Variants in A2ML1 observed in about 807,000 individuals in gnomAD.
A2ML1 encodes the protein alpha-2-macroglobulin like 1, also known as alpha-2-macroglobulin-like protein 1.
In A2ML1, 161 loss-of-function variants were observed where a neutral mutation model predicts 181.9. The observed-to-expected ratio is 0.89, with a 90% confidence interval of 0.78 to 1.01. A2ML1 has a LOEUF of 1.01. Ranked by LOEUF, A2ML1 falls within the 50% of genes least tolerant of loss-of-function variation. The pLI is 0.00. For missense variants in A2ML1, 1,670 were observed against 1,768.1 expected, an observed-to-expected ratio of 0.94 and a Z score of 1.00; for synonymous variants, 663 against 666.8, an observed-to-expected ratio of 0.99 and a Z score of 0.09.
intron 26 of A2ML1, among the ~76,000 whole-genome samples, chr12:8,858,654 C>T (rs998969690): frequency 6.6e-6 from 1 of 152,140 alleles, no homozygotes; most frequent in African/African-American, 2.4e-5. Flanking sequence ...GGAGCATTGG[C>T]ATCACATGGG....
chr12:8,886,764 C>G (rs1944924970), exon 8 of A2ML1: 1 of 152,124 alleles, frequency 6.6e-6, no homozygotes, highest in African/African-American at 2.4e-5. Context: ...TTGGATTAGC[C>G]ACCCTTATGG....
chr12:8,884,224 A>ATTTTTTTATTTTTTTTTTTTT (rs202171810), intron 7 of A2ML1, among the ~76,000 whole-genome samples: 1 of 93,730 alleles, frequency 1.1e-5, no homozygotes, highest in Non-Finnish European at 2.3e-5. Flanking sequence ...TCTTTTTTTT[A>ATTTTTTTATTTTTTTTTTTTT]TTTTTTGTTT....
intron 4 of A2ML1, among the ~76,000 whole-genome samples, chr12:8,831,938 C>T (rs775635281): frequency 3.3e-5 from 5 of 152,122 alleles, no homozygotes; most frequent in South Asian, 2.1e-4. Flanking sequence ...TTAGTAGAGA[C>T]GGGGTTTCTT....
intron 3 of A2ML1, among the ~76,000 whole-genome samples, chr12:8,824,505 T>C (rs1942864329): frequency 6.6e-6 from 1 of 152,006 alleles, no homozygotes; most frequent in Non-Finnish European, 1.5e-5. Context: ...ACAATCCAAT[T>C]ATACTCTCTT....
chr12:8,841,094 G>C lies in A2ML1; in HGVS notation c.1081-275G>C, dbSNP rs758195364. On this transcript the variant is annotated intron_variant, in intron 10 of 35. Coordinates refer to ENST00000299698, the MANE Select transcript of A2ML1 (RefSeq NM_144670.6). ...CTTTGAAGGAGCCTGTGCATATGAAGAGCCCTGAAGCTTCATTAGCCACCG... is the reference window on the plus strand; with the variant it reads ...CTTTGAAGGAGCCTGTGCATATGAACAGCCCTGAAGCTTCATTAGCCACCG... 4.3e-4 allele frequency among the ~76,000 whole-genome samples: 65 copies of C among 152,218 alleles called. 1 individual carries two copies. In the South Asian group the frequency reaches 0.013, roughly 31 times the overall value.
intron 23 of A2ML1, 42 bp downstream of exon 23, chr12:8,855,634 A>G (rs1565483840): frequency 1.2e-6 from 2 of 1,600,854 alleles, no homozygotes; most frequent in Admixed American, 1.7e-5. Context: ...GAAAAGGCGA[A>G]TGGAGGCTGC....
intron 14 of A2ML1, among the ~76,000 whole-genome samples, 156 bp from the exon 15 acceptor site, chr12:8,847,393 C>T (rs1943728861): frequency 6.6e-6 from 1 of 152,160 alleles, no homozygotes; most frequent in African/African-American, 2.4e-5. Context: ...CATACACGTC[C>T]TGAAGAGCTA....
intron 2 of A2ML1, 46 bp downstream of exon 2, chr12:8,823,411 C>A: frequency 6.4e-7 from 1 of 1,555,414 alleles, no homozygotes; most frequent in Middle Eastern, 1.8e-4. Flanking sequence ...CTTGCCTATT[C>A]TCCTCCCTAG....
Position 8,856,377 on chromosome 12 carries a change from C to G in A2ML1, c.2848+785C>G, listed in dbSNP as rs760093651. On this transcript the variant is annotated intron_variant, in intron 23 of 35. Coordinates refer to ENST00000299698, the MANE Select transcript of A2ML1 (RefSeq NM_144670.6). Reference sequence around the variant, plus strand: ...GGCTCCTGAAGAGGAAGGGCCACATCTTTTTCTTTTGTGTTCCTAGTACAG... The same window carrying G: ...GGCTCCTGAAGAGGAAGGGCCACATGTTTTTCTTTTGTGTTCCTAGTACAG... 1.6e-4 allele frequency among the ~76,000 whole-genome samples: 25 copies of G among 152,294 alleles called. No individual in the cohort carries two copies. The South Asian group carries it at 3.7e-3, about 23-fold the overall frequency.
chr12:8,885,257 G>A (rs1001149525), intron 7 of A2ML1, among the ~76,000 whole-genome samples: 4 of 152,012 alleles, frequency 2.6e-5, no homozygotes, highest in African/African-American at 9.7e-5. Context: ...TTCTATTTAA[G>A]AATCTTGCCT....
At chr12:8,866,092 T>G (rs945389112) in intron 29 of A2ML1, among the ~76,000 whole-genome samples, 2 of 151,798 alleles carry the variant, frequency 1.3e-5, no homozygotes, top group Non-Finnish European at 2.9e-5. Flanking sequence ...CCGAGGCAGG[T>G]GGATCACGAG....
chr12:8,838,979 G>A, intron 9 of A2ML1, 134 bp from the exon 10 acceptor site: 1 of 556,834 alleles, frequency 1.8e-6, no homozygotes, highest in Non-Finnish European at 3.1e-6. Context: ...GGGAGGTGAG[G>A]TTGGTTTGGA....
chr12:8,837,452 A>T lies in A2ML1; in HGVS notation c.741A>T (p.Gly247=). 6.2e-7 allele frequency: 1 copy of T among 1,614,048 alleles called. No individual in the cohort carries two copies. The highest frequency in any genetic ancestry group is 8.5e-7 in the Non-Finnish European group (1 of 1,179,938). The part of the protein sequence containing the change: ...LVKICCRYTY[G]KPMLGAVQVS... ...TTTTCTTGGTTAGGTACACCTATGG[A>T]AAGCCCATGCTAGGGGCAGTGCAGG... The change falls in exon 8 of 36, where the codon GGA becomes GGT. Residue 247 remains glycine, a synonymous_variant. Transcript: ENST00000299698.
At chr12:8,877,051 C>T (rs1009481051), downstream of A2ML1, among the ~76,000 whole-genome samples, 1 of 152,180 alleles carries the variant, frequency 6.6e-6, no homozygotes, top group African/African-American at 2.4e-5. Flanking sequence ...CCATCTCTCT[C>T]GGTTTCTCTT....
rs771502259 is a variant in A2ML1 at position 8,846,125 on chromosome 12, C to T, written c.1586C>T (p.Ala529Val). The change falls in exon 14 of 36, where the codon GCC becomes GTC. Residue 529 changes from alanine to valine, a missense_variant. Transcript: ENST00000299698. The part of the protein sequence containing the change: ...SLSLTFTSRL[A>V]PDPSLVIYAI... The stretch of plus-strand genomic sequence containing the variant: ...TCACTGACCTTCACTTCGAGACTGG[C>T]CCCTGATCCTTCCCTGGTGATCTAT... 15 of 1,614,170 alleles carry T rather than the reference C, an allele frequency of 9.3e-6. No individual in the cohort carries two copies. In the South Asian group the frequency reaches 1.5e-4, roughly 17 times the overall value.
chr12:8,844,333 CT>C (rs1943594792), intron 12 of A2ML1, among the ~76,000 whole-genome samples: 1 of 149,518 alleles, frequency 6.7e-6, no homozygotes, highest in African/African-American at 2.5e-5. Flanking sequence ...AACTCCTGAC[CT>C]CAGGTGATCT....
chr12:8,870,381 C>A (rs1944579495), intron 33 of A2ML1, among the ~76,000 whole-genome samples: 2 of 140,106 alleles, frequency 1.4e-5, no homozygotes, highest in Admixed American at 1.4e-4. Flanking sequence ...CATTCTCCTG[C>A]CTCAGCCTCC....
intron 18 of A2ML1, among the ~76,000 whole-genome samples, chr12:8,850,984 C>T (rs919043742): frequency 1.6e-4 from 25 of 152,268 alleles, no homozygotes; most frequent in Middle Eastern, 3.4e-3. Context: ...AGTGATCCAC[C>T]CGCCTTGGCC....
chr12:8,823,448 A>G (rs2136695878), intron 2 of A2ML1, 83 bp downstream of exon 2: 1 of 1,434,834 alleles, frequency 7.0e-7, no homozygotes, highest in African/African-American at 1.4e-5. Context: ...TTTAAGTATA[A>G]TTTCTGTTAT....
Sources: gnomAD v4.1 joint callset for allele counts (sites outside exome capture counted in the v4.1 genomes callset) on GRCh38, gnomAD v4.1.1 for gene constraint, MANE v1.5 for transcripts, NCBI Gene and HGNC (gene_info 2026-07-23, HGNC 2026-07-21) for gene names.